The following SLC9C1 variants were observed in gnomAD, a reference collection of about 807,000 sequenced individuals.
SLC9C1 encodes the protein solute carrier family 9 member C1, also known as sodium/hydrogen exchanger 10.
SLC9C1 carries 97 observed loss-of-function variants against 140.9 expected under a neutral mutation model. The observed-to-expected ratio is 0.69, with a 90% CI of 0.58 to 0.82. The LOEUF (loss-of-function observed/expected upper bound fraction) is 0.82. Among genes scored for constraint, SLC9C1 ranks in the 40% least tolerant of loss-of-function variants. The probability of loss-of-function intolerance (pLI) is 0.00; values close to 1 mark genes in which losing one functional copy is unlikely to be tolerated. For missense variants in SLC9C1, 1,340 were observed against 1,389.3 expected, an observed-to-expected ratio of 0.96 and a Z score of 0.56; for synonymous variants, 440 against 442.6, an observed-to-expected ratio of 0.99 and a Z score of 0.07.
In SLC9C1 at chr3:112,230,579, C is replaced by G. The variant is rs140693404; in HGVS notation, c.1572+782G>C. Among the ~76,000 whole-genome samples the G allele has an allele frequency of 1.0e-3, 152 of 152,236 alleles. 3 individuals carry two copies. In the East Asian group the frequency reaches 0.013, roughly 13 times the overall value. The stretch of plus-strand genomic sequence containing the variant: ...TAGTTGCCTTTGAAACTCAACTTGT[C>G]TGCTAAGACTACTGTTGAAGAGAGA... On this transcript the variant is annotated intron_variant, in intron 13 of 28. Transcript: ENST00000305815.
intron 16 of SLC9C1, among the ~76,000 whole-genome samples, 154 bp downstream of exon 16, chr3:112,208,024 A>G (rs1316416230): frequency 6.6e-6 from 1 of 152,204 alleles, no homozygotes; most frequent in Non-Finnish European, 1.5e-5. Flanking sequence ...GAGTTACTAT[A>G]AAAATCACCT....
chr3:112,209,394 A>C (rs1344006401), intron 15 of SLC9C1, among the ~76,000 whole-genome samples: 1 of 152,210 alleles, frequency 6.6e-6, no homozygotes. Flanking sequence ...TTCCAGCAGC[A>C]AAACCATGTT....
intron 20 of SLC9C1, among the ~76,000 whole-genome samples, chr3:112,194,275 C>A (rs958046432): frequency 6.6e-6 from 1 of 152,136 alleles, no homozygotes; most frequent in Non-Finnish European, 1.5e-5. Flanking sequence ...CCTATCTTTT[C>A]CCTGAAATGG....
intron 26 of SLC9C1, 139 bp downstream of exon 26, chr3:112,167,082 C>T: frequency 1.2e-6 from 1 of 833,274 alleles, no homozygotes; most frequent in Non-Finnish European, 1.8e-6. Context: ...TGAACTCATA[C>T]ATTGAATAGC....
chr3:112,195,142 T>C (rs758298434), intron 20 of SLC9C1, among the ~76,000 whole-genome samples: 55 of 152,146 alleles, frequency 3.6e-4, no homozygotes, highest in Non-Finnish European at 7.2e-4. Flanking sequence ...AAGTGCACTT[T>C]GTCTATATTT....
At chr3:112,158,084 T>G (rs1038982248) in intron 26 of SLC9C1, among the ~76,000 whole-genome samples, 10 of 152,136 alleles carry the variant, frequency 6.6e-5, no homozygotes, top group Middle Eastern at 3.4e-3. Flanking sequence ...ACATCCTTGT[T>G]TTGCTCCAGA....
At chr3:112,240,228 G>T (rs2079104310) in intron 11 of SLC9C1, among the ~76,000 whole-genome samples, 1 of 152,204 alleles carries the variant, frequency 6.6e-6, no homozygotes, top group Non-Finnish European at 1.5e-5. Context: ...TGTTTATTGA[G>T]TGCTTACTAT....
intron 20 of SLC9C1, among the ~76,000 whole-genome samples, chr3:112,186,357 G>T (rs1055458200): frequency 6.6e-6 from 1 of 151,720 alleles, no homozygotes; most frequent in Non-Finnish European, 1.5e-5. Context: ...AATTTATCTG[G>T]AATTGATTTT....
intron 20 of SLC9C1, among the ~76,000 whole-genome samples, chr3:112,189,718 T>C (rs566928334): frequency 6.6e-6 from 1 of 152,350 alleles, no homozygotes; most frequent in South Asian, 2.1e-4. Context: ...CAATGCGGGC[T>C]CTTTTTTGGT....
Position 112,270,093 on chromosome 3 carries a change from G to A in SLC9C1, c.614-16C>T, listed in dbSNP as rs780038782. The A allele has an allele frequency of 1.1e-5, 17 of 1,485,450 alleles. No homozygotes were observed. In the Admixed American group the frequency reaches 1.5e-4, roughly 13 times the overall value. The allele number at this position is 1,485,450 out of a possible 1,614,324, so 92.0% of individuals were successfully genotyped here. On this transcript the variant is annotated splice_polypyrimidine_tract_variant and intron_variant, in intron 6 of 28. Transcript: ENST00000305815. ...ATCTCTTCAGCTACAAGAAAGGGGC[G>A]TAAATAAGAAATAGTTAATAGAACT... is the stretch of plus-strand genomic sequence containing the variant.
chr3:112,152,012 A>AG (rs1375084752), intron 27 of SLC9C1, 49 bp from the exon 28 acceptor site: 1 of 1,466,016 alleles, frequency 6.8e-7, no homozygotes, highest in African/African-American at 1.4e-5. Flanking sequence ...GGCCTTTTGA[A>AG]GGGGGCCTGC....
At chr3:112,267,919 A>G (rs2079969734) in intron 7 of SLC9C1, among the ~76,000 whole-genome samples, 1 of 152,148 alleles carries the variant, frequency 6.6e-6, no homozygotes, top group East Asian at 1.9e-4. Flanking sequence ...ACTATCTTGA[A>G]GGTACTAATA....
At chr3:112,206,251 C>T (rs886228489) in intron 16 of SLC9C1, among the ~76,000 whole-genome samples, 3 of 151,870 alleles carry the variant, frequency 2.0e-5, no homozygotes, top group African/African-American at 7.3e-5. Flanking sequence ...TGAAAAAATG[C>T]TCATCATCAC....
At chr3:112,241,539 T>C (rs1309316417) in intron 11 of SLC9C1, among the ~76,000 whole-genome samples, 1 of 152,172 alleles carries the variant, frequency 6.6e-6, no homozygotes. Flanking sequence ...AATATGCAGA[T>C]TCAACACAAT....
intron 13 of SLC9C1, among the ~76,000 whole-genome samples, chr3:112,225,328 T>C (rs2078653525): frequency 6.6e-6 from 1 of 152,146 alleles, no homozygotes; most frequent in African/African-American, 2.4e-5. Context: ...AAGTAAAACC[T>C]GAGAGAATTC....
chr3:112,248,401 C>T (rs1258535911), intron 10 of SLC9C1, among the ~76,000 whole-genome samples: 1 of 152,100 alleles, frequency 6.6e-6, no homozygotes, highest in Non-Finnish European at 1.5e-5. Context: ...TTGTTTCAAG[C>T]CACTGAATTT....
intron 26 of SLC9C1, among the ~76,000 whole-genome samples, 178 bp from the exon 27 acceptor site, chr3:112,155,227 C>A (rs1440521691): frequency 6.6e-6 from 1 of 152,008 alleles, no homozygotes; most frequent in African/African-American, 2.4e-5. Context: ...GATTATAAGT[C>A]TTTTATTATG....
At chr3:112,158,692 T>C (rs1404245419) in intron 26 of SLC9C1, among the ~76,000 whole-genome samples, 2 of 151,862 alleles carry the variant, frequency 1.3e-5, no homozygotes, top group East Asian at 3.9e-4. Context: ...GCTTTGATCT[T>C]GTTATGTGTT....
At chr3:112,260,297 T>A (rs1026944247) in intron 10 of SLC9C1, among the ~76,000 whole-genome samples, 10 of 152,108 alleles carry the variant, frequency 6.6e-5, no homozygotes, top group African/African-American at 2.4e-4. Flanking sequence ...TTTCTTTAGT[T>A]TTTTTATGGT....
Sources: allele counts gnomAD v4.1 joint callset (sites outside exome capture counted in the v4.1 genomes callset), GRCh38; gene constraint gnomAD v4.1.1; transcripts MANE v1.5; gene names NCBI Gene and HGNC (gene_info 2026-07-23, HGNC 2026-07-21).